The following UNC13B variants were observed in gnomAD, a reference collection of about 807,000 sequenced individuals.
The protein encoded by UNC13B is unc-13 homolog B.
A neutral mutation model predicts 211.0 loss-of-function variants in UNC13B; 144 were observed. That is an observed-to-expected ratio of 0.68 (90% CI 0.60 to 0.78). UNC13B has a LOEUF of 0.78. Among genes scored for constraint, UNC13B ranks in the 30% least tolerant of loss-of-function variants. The pLI is 0.00. For synonymous variants in UNC13B, 709 were observed against 725.8 expected (o/e 0.98, Z 0.37); for missense variants, 1,777 against 2,002.0 (o/e 0.89, Z 2.14).
intron 11 of UNC13B, among the ~76,000 whole-genome samples, chr9:35,348,575 A>G (rs933670207): frequency 6.6e-6 from 1 of 152,180 alleles, no homozygotes; most frequent in Non-Finnish European, 1.5e-5. Context: ...GGCTCACTCA[A>G]ATTGTGCCAG....
rs773171988 is a variant in UNC13B, at chr9:35,377,497, G to A, written c.9865G>A (p.Ala3289Thr). 6 of 1,614,128 alleles carry A rather than the reference G, an allele frequency of 3.7e-6. No individual in the cohort carries two copies. In the Admixed American group the frequency reaches 8.3e-5, roughly 22 times the overall value. The change falls in exon 16 of 40, where the codon GCT becomes ACT. Residue 3289 changes from alanine (A) to threonine (T), a missense_variant. Transcript: ENST00000635942. ...TGCAGAAAAGAGCTGTAAACATGGAGCTGAGGACCGGACCCAGAACATTAT... is the reference window on the plus strand; with the variant it reads ...TGCAGAAAAGAGCTGTAAACATGGAACTGAGGACCGGACCCAGAACATTAT... ...RAAEKSCKHG[A>T]EDRTQNIIMA...
chr9:35,162,445 T>A, intron 1 of UNC13B, 140 bp downstream of exon 1: 2 of 1,137,258 alleles, frequency 1.8e-6, no homozygotes, highest in Non-Finnish European at 2.4e-6. Flanking sequence ...GGCAATCACT[T>A]AACAATCACT....
chr9:35,387,934 G>A (rs1372631981), intron 24 of UNC13B, among the ~76,000 whole-genome samples: 2 of 152,100 alleles, frequency 1.3e-5, no homozygotes, highest in Non-Finnish European at 2.9e-5. Flanking sequence ...TTCACAGAGG[G>A]TGCTGTGGGA....
At position 35,227,327 on chromosome 9, in the gene UNC13B, GT is replaced by G. The variant is rs568010736; in HGVS notation, c.23-684del. Among the ~76,000 whole-genome samples the G allele has an allele frequency of 7.9e-5, 12 of 152,276 alleles. No individual in the cohort carries two copies. The South Asian group carries it at 2.5e-3, about 32-fold the overall frequency. On this transcript the variant is annotated intron_variant, in intron 1 of 39. Coordinates refer to ENST00000635942, the MANE Select transcript of UNC13B (RefSeq NM_001371189.2). The stretch of plus-strand genomic sequence containing the variant: ...GTATACTCTTAAGCATCCTTTCCAG[GT>G]TTTGTGTTTTAGGGTTTTCTTCACC...
chr9:35,232,991 G>GCCT (rs1449590252), intron 3 of UNC13B, among the ~76,000 whole-genome samples: 1 of 152,144 alleles, frequency 6.6e-6, no homozygotes, highest in Non-Finnish European at 1.5e-5. Flanking sequence ...CAAAGAGAAG[G>GCCT]AGGCCAATGG....
chr9:35,176,929 G>C lies in UNC13B; in HGVS notation c.22+14624G>C, dbSNP rs569764476. On this transcript the variant is annotated intron_variant, in intron 1 of 39. Coordinates refer to ENST00000635942, the MANE Select transcript of UNC13B (RefSeq NM_001371189.2). ...AGGAAATAGTATGTGCAAAGGCCTTGCAGTGGGAGAAGGATCTGAGAGAAG... is the reference window on the plus strand; with the variant it reads ...AGGAAATAGTATGTGCAAAGGCCTTCCAGTGGGAGAAGGATCTGAGAGAAG... Among the ~76,000 whole-genome samples, 3 of 152,272 alleles carry C rather than the reference G, an allele frequency of 2.0e-5. No individual in the cohort carries two copies. The East Asian group carries it at 5.8e-4, about 29-fold the overall frequency.
At chr9:35,174,423 C>G (rs1319377269) in intron 1 of UNC13B, among the ~76,000 whole-genome samples, 1 of 151,912 alleles carries the variant, frequency 6.6e-6, no homozygotes, top group African/African-American at 2.4e-5. Context: ...CTCCTGGGTT[C>G]AAGCGATTCT....
At chr9:35,355,510 G>A (rs1832970190) in intron 11 of UNC13B, among the ~76,000 whole-genome samples, 1 of 152,142 alleles carries the variant, frequency 6.6e-6, no homozygotes, top group South Asian at 2.1e-4. Flanking sequence ...CACTGCAATT[G>A]GTCTCTAGTT....
intron 1 of UNC13B, among the ~76,000 whole-genome samples, chr9:35,168,881 C>T (rs1185980000): frequency 6.6e-6 from 1 of 151,900 alleles, no homozygotes; most frequent in African/African-American, 2.4e-5. Flanking sequence ...CTATGTTTCC[C>T]AGGGTGGTCT....
chr9:35,389,768 AAG>A, intron 24 of UNC13B, 76 bp from the exon 25 acceptor site: 1 of 1,511,874 alleles, frequency 6.6e-7, no homozygotes, highest in Non-Finnish European at 9.1e-7. Context: ...GGGGAAGAGA[AAG>A]AGGATCGTTG....
chr9:35,257,357 A>ATATAAATATTTT (rs1564097780), intron 6 of UNC13B, among the ~76,000 whole-genome samples: 2 of 3,746 alleles, frequency 5.3e-4, no homozygotes, highest in African/African-American at 7.9e-4. Context: ...AAAAATATTT[A>ATATAAATATTTT]TATAAATATT....
At chr9:35,299,178 G>A (rs918899165) in intron 8 of UNC13B, among the ~76,000 whole-genome samples, 1 of 152,160 alleles carries the variant, frequency 6.6e-6, no homozygotes, top group African/African-American at 2.4e-5. Flanking sequence ...ATTGCAATGA[G>A]CTGAGAATGT....
At chr9:35,325,748 C>T (rs1830969983) in intron 11 of UNC13B, among the ~76,000 whole-genome samples, 2 of 152,194 alleles carry the variant, frequency 1.3e-5, no homozygotes, top group South Asian at 4.1e-4. Flanking sequence ...ATTCCCTTTT[C>T]CACCAGCCTG....
chr9:35,370,385 G>T lies in UNC13B; in HGVS notation c.9529G>T (p.Val3177Phe). ...ACGCAGAAAGAAGCCACTGCCACTTGTCAGTGATCTGGTGAGTGAAGACTC... is the reference window on the plus strand; with the variant it reads ...ACGCAGAAAGAAGCCACTGCCACTTTTCAGTGATCTGGTGAGTGAAGACTC... ...DLRRKKPLPL[V>F]SDLSLVQSRK... Residue 3177 changes from valine (V) to phenylalanine (F), a missense_variant, in exon 13 of 40, where the codon GTC becomes TTC. Physicochemically the swap from Val to Phe is conservative, Grantham distance 50. Transcript: ENST00000635942. 2 of 1,613,860 alleles carry T rather than the reference G, an allele frequency of 1.2e-6. No homozygotes were observed.
At chr9:35,278,192 G>A (rs558238847) in intron 7 of UNC13B, among the ~76,000 whole-genome samples, 13 of 152,310 alleles carry the variant, frequency 8.5e-5, no homozygotes, top group African/African-American at 3.1e-4. Flanking sequence ...AAAAAGCCAA[G>A]ATGTACAGGG....
At position 35,236,519 on chromosome 9, in the gene UNC13B, G is replaced by A. The variant is rs993513945; in HGVS notation, c.203G>A (p.Gly68Glu). The change falls in exon 4 of 40, where the codon GGA (glycine) becomes GAA (glutamate). Residue 68 changes from glycine to glutamate, a missense_variant. Coordinates refer to ENST00000635942, the MANE Select transcript of UNC13B (RefSeq NM_001371189.2). ...CTAAGTGTGGAGGTATGGAACAAAGGACTGATCTGGGACACCATGGTGGGG... is the reference window on the plus strand; with the variant it reads ...CTAAGTGTGGAGGTATGGAACAAAGAACTGATCTGGGACACCATGGTGGGG... Reference protein sequence around the residue: ...LGLSVEVWNKGLIWDTMVGTV... With the variant: ...LGLSVEVWNKELIWDTMVGTV... 1 of 1,614,104 alleles carries A rather than the reference G, an allele frequency of 6.2e-7. No homozygotes were observed. Among genetic ancestry groups the A allele is most frequent in the Non-Finnish European group, 8.5e-7 (1 of 1,179,988 alleles).
chr9:35,314,079 ATCT>A, intron 11 of UNC13B, 90 bp downstream of exon 11: 3 of 1,036,918 alleles, frequency 2.9e-6, no homozygotes, highest in Non-Finnish European at 4.5e-6. Context: ...GTGATTAGTC[ATCT>A]TCTTACAGTG....
intron 17 of UNC13B, among the ~76,000 whole-genome samples, chr9:35,380,193 C>T (rs1175417859): frequency 6.6e-6 from 1 of 152,098 alleles, no homozygotes; most frequent in Non-Finnish European, 1.5e-5. Flanking sequence ...TATAGGAAGT[C>T]AGAATTGACC....
At chr9:35,385,303 C>T in intron 22 of UNC13B, 1 of 985,406 alleles carries the variant, frequency 1.0e-6, no homozygotes, top group Non-Finnish European at 1.2e-6. Flanking sequence ...GGTCCTGGAC[C>T]TCAGTTTGGT....
Sources: gnomAD v4.1 joint callset for allele counts (sites outside exome capture counted in the v4.1 genomes callset) on GRCh38, gnomAD v4.1.1 for gene constraint, MANE v1.5 for transcripts, NCBI Gene and HGNC (gene_info 2026-07-23, HGNC 2026-07-21) for gene names.